Variants in EML6 observed in about 807,000 individuals in gnomAD.
EML6 encodes the protein echinoderm microtubule-associated protein-like 6.
In EML6, 154 loss-of-function variants were observed where a neutral mutation model predicts 240.1. The observed-to-expected ratio is 0.64, with a 90% confidence interval of 0.56 to 0.73. The LOEUF is 0.73. Among genes scored for constraint, EML6 ranks in the 30% least tolerant of loss-of-function variants. EML6 has a pLI of 0.00. For missense variants in EML6, 2,964 were observed against 2,474.6 expected (o/e 1.20, Z -4.20); for synonymous variants, 1,148 against 899.0 (o/e 1.28, Z -4.95).
intron 32 of EML6, among the ~76,000 whole-genome samples, chr2:54,954,515 G>C (rs769359837): frequency 6.6e-6 from 1 of 152,144 alleles, no homozygotes; most frequent in African/African-American, 2.4e-5. Flanking sequence ...CTTTCTGATG[G>C]CCCCTGGATC....
At chr2:54,801,476 G>C (rs998211525) in intron 2 of EML6, among the ~76,000 whole-genome samples, 1 of 152,172 alleles carries the variant, frequency 6.6e-6, no homozygotes, top group Non-Finnish European at 1.5e-5. Context: ...GTCAAAGTAG[G>C]AGTTTATTCA....
chr2:54,903,158 A>G lies in EML6; in HGVS notation c.3239A>G (p.His1080Arg), dbSNP rs1302302963. ...GTTGAAGACATGGTCTCTTTCCATC[A>G]CAGAAAAGAAATGATCTCTGATATT... ...DTVEDMVSFH[H>R]RKEMISDIKF... Residue 1080 changes from histidine (H) to arginine (R), a missense_variant, in exon 23 of 42, where the codon CAC (histidine) becomes CGC (arginine). Coordinates refer to ENST00000356458, the MANE Select transcript of EML6 (RefSeq NM_001039753.4). 3 of 1,552,004 alleles carry G rather than the reference A, an allele frequency of 1.9e-6. No individual in the cohort carries two copies. The highest frequency in any genetic ancestry group is 1.7e-6 in the Non-Finnish European group (2 of 1,147,004).
In EML6 at chr2:54,813,248, G is replaced by C; in HGVS notation, c.214G>C (p.Asp72His). ...DDIISLALHP[D>H]KTLVATGQVG... ...CTCTTTCAGCCTTGCCTTACACCCAGACAAAACTCTCGTTGCAACTGGCCA... is the reference window on the plus strand; with the variant it reads ...CTCTTTCAGCCTTGCCTTACACCCACACAAAACTCTCGTTGCAACTGGCCA... Residue 72 changes from aspartate to histidine, a missense_variant, in exon 3 of 42, where the codon GAC (aspartate) becomes CAC (histidine). Coordinates refer to ENST00000356458, the MANE Select transcript of EML6 (RefSeq NM_001039753.4). The C allele has an allele frequency of 6.4e-7, 1 of 1,550,388 alleles. No individual in the cohort carries two copies. The highest frequency in any genetic ancestry group is 8.7e-7 in the Non-Finnish European group (1 of 1,146,388).
intron 24 of EML6, 97 bp downstream of exon 24, chr2:54,903,599 A>C: frequency 3.1e-6 from 2 of 651,660 alleles, no homozygotes; most frequent in East Asian, 4.6e-5. Flanking sequence ...AGTGTTAGAA[A>C]TGGGAAAGGG....
chr2:54,957,732 C>T (rs1676297550), intron 32 of EML6, 58 bp from the exon 33 acceptor site: 2 of 1,499,644 alleles, frequency 1.3e-6, no homozygotes, highest in Non-Finnish European at 1.8e-6. Context: ...GGCTGCGGCT[C>T]CCCCGGCCTG....
At chr2:54,838,186 C>T (rs1240935067) in intron 7 of EML6, among the ~76,000 whole-genome samples, 1 of 152,228 alleles carries the variant, frequency 6.6e-6, no homozygotes, top group East Asian at 1.9e-4. Flanking sequence ...GTTCCTGGCA[C>T]TGCCACCTTA....
intron 24 of EML6, among the ~76,000 whole-genome samples, chr2:54,905,151 G>A (rs1377170325): frequency 6.6e-6 from 1 of 152,084 alleles, no homozygotes; most frequent in Non-Finnish European, 1.5e-5. Flanking sequence ...GACCAGGCAG[G>A]GCACTGTGAC....
intron 4 of EML6, among the ~76,000 whole-genome samples, chr2:54,817,455 C>CT (rs923713361): frequency 6.6e-6 from 1 of 152,080 alleles, no homozygotes; most frequent in Non-Finnish European, 1.5e-5. Flanking sequence ...AATTTGACTC[C>CT]TTTATTATCT....
At position 54,838,407 on chromosome 2, in the gene EML6, A is replaced by G. The variant is rs56700228; in HGVS notation, c.848-5640A>G. Among the ~76,000 whole-genome samples, 633 of 152,384 alleles carry G rather than the reference A, an allele frequency of 4.2e-3. 2 individuals carry two copies. Among genetic ancestry groups the G allele is most frequent in the African/African-American group, 0.014 (601 of 41,596 alleles). On this transcript the variant is annotated intron_variant, in intron 7 of 41. Coordinates refer to ENST00000356458, the MANE Select transcript of EML6 (RefSeq NM_001039753.4). The stretch of plus-strand genomic sequence containing the variant: ...TGAGTGCTAATAATCTCCACTTTAC[A>G]GATGGAGGAACTAACGATATGAATG...
At chr2:54,767,335 C>G (rs1668223836) in intron 2 of EML6, among the ~76,000 whole-genome samples, 1 of 151,614 alleles carries the variant, frequency 6.6e-6, no homozygotes, top group Admixed American at 6.6e-5. Flanking sequence ...ATTGTTTTGC[C>G]TTTTTATTAT....
intron 17 of EML6, among the ~76,000 whole-genome samples, chr2:54,888,194 G>A (rs1434358886): frequency 6.6e-6 from 1 of 152,178 alleles, no homozygotes; most frequent in Non-Finnish European, 1.5e-5. Flanking sequence ...GGGTAATGAG[G>A]CATGATCTGA....
intron 38 of EML6, among the ~76,000 whole-genome samples, chr2:54,965,852 A>C (rs965964626): frequency 3.3e-5 from 5 of 152,214 alleles, no homozygotes; most frequent in African/African-American, 1.2e-4. Flanking sequence ...TCTTTTGGCT[A>C]ATGTTAATCC....
At chr2:54,830,555 T>A (rs1668817913) in intron 7 of EML6, among the ~76,000 whole-genome samples, 1 of 152,200 alleles carries the variant, frequency 6.6e-6, no homozygotes, top group South Asian at 2.1e-4. Flanking sequence ...CCCCGCTGTG[T>A]GACCTGATGG....
chr2:54,779,069 A>T (rs1041969444), intron 2 of EML6, among the ~76,000 whole-genome samples: 1 of 152,220 alleles, frequency 6.6e-6, no homozygotes, highest in Non-Finnish European at 1.5e-5. Flanking sequence ...ACTGTAGAGT[A>T]TTAATGAAAT....
At chr2:54,854,891 G>A (rs1419785591) in intron 11 of EML6, among the ~76,000 whole-genome samples, 2 of 152,162 alleles carry the variant, frequency 1.3e-5, no homozygotes, top group Admixed American at 1.3e-4. Context: ...TACTTGCAGG[G>A]GGTAAGTTAG....
intron 24 of EML6, among the ~76,000 whole-genome samples, chr2:54,909,410 G>C (rs2104276040): frequency 6.6e-6 from 1 of 152,266 alleles, no homozygotes; most frequent in African/African-American, 2.4e-5. Flanking sequence ...CACATTTTCA[G>C]ATATATTTGC....
chr2:54,866,942 C>A, intron 14 of EML6, 58 bp downstream of exon 14: 1 of 1,005,404 alleles, frequency 9.9e-7, no homozygotes, highest in Non-Finnish European at 1.5e-6. Flanking sequence ...TGGCTGTCAC[C>A]AACCTTAGCA....
chr2:54,960,179 G>A, intron 34 of EML6, 41 bp from the exon 35 acceptor site: 8 of 1,421,984 alleles, frequency 5.6e-6, no homozygotes, highest in Non-Finnish European at 7.8e-6. Context: ...TGGGTCTTAG[G>A]ATGAGGGTTA....
intron 16 of EML6, among the ~76,000 whole-genome samples, chr2:54,873,467 C>A (rs1045588256): frequency 6.6e-6 from 1 of 152,148 alleles, no homozygotes; most frequent in Non-Finnish European, 1.5e-5. Flanking sequence ...TCCAAACTCC[C>A]GGAAGTGTGA....
Sources: gnomAD v4.1 joint callset for allele counts (sites outside exome capture counted in the v4.1 genomes callset) on GRCh38, gnomAD v4.1.1 for gene constraint, MANE v1.5 for transcripts, NCBI Gene and HGNC (gene_info 2026-07-23, HGNC 2026-07-21) for gene names.